The following EIF2AK4 variants were observed in gnomAD, a reference collection of about 807,000 sequenced individuals.
EIF2AK4 encodes the protein eukaryotic translation initiation factor 2 alpha kinase 4.
In EIF2AK4, 139 loss-of-function variants were observed where a neutral mutation model predicts 211.1. The observed-to-expected ratio is 0.66, with a 90% CI of 0.57 to 0.76. The LOEUF (loss-of-function observed/expected upper bound fraction) is 0.76. EIF2AK4 is among the 30% of genes least tolerant of loss of function. EIF2AK4 has a pLI of 0.00. For missense variants in EIF2AK4, 1,664 were observed against 2,043.8 expected (o/e 0.81, Z 3.58); for synonymous variants, 710 against 751.3 (o/e 0.94, Z 0.90).
chr15:39,956,474 G>T (rs1289827219), intron 6 of EIF2AK4, among the ~76,000 whole-genome samples: 1 of 152,174 alleles, frequency 6.6e-6, no homozygotes, highest in African/African-American at 2.4e-5. Flanking sequence ...TGTAAGGAGT[G>T]CCTGAAAATG....
Position 39,976,748 on chromosome 15 carries a change from C to G in EIF2AK4, c.2153C>G (p.Ser718Trp). 1 of 1,598,926 alleles carries G rather than the reference C, an allele frequency of 6.3e-7. No homozygotes were observed. Among genetic ancestry groups the G allele is most frequent in the East Asian group, 2.3e-5 (1 of 43,992 alleles). ...GAGTGGAGCACTTCGGGCGAGCGCTCGGCCAGTGCCCGTTTCCCCGCCACC... is the reference window on the plus strand; with the variant it reads ...GAGTGGAGCACTTCGGGCGAGCGCTGGGCCAGTGCCCGTTTCCCCGCCACC... Reference protein sequence around the residue: ...SVEWSTSGERSASARFPATGP... With the variant: ...SVEWSTSGERWASARFPATGP... Residue 718 changes from serine (S) to tryptophan (W), a missense_variant, in exon 12 of 39, where the codon TCG becomes TGG. Around this residue, in one of 7 missense-constraint regions of EIF2AK4, gnomAD observed 206 missense variants for 201.9 expected, o/e 1.02. Coordinates refer to ENST00000263791, the MANE Select transcript of EIF2AK4 (RefSeq NM_001013703.4).
intron 13 of EIF2AK4, among the ~76,000 whole-genome samples, chr15:39,982,117 G>T (rs932053736): frequency 6.6e-6 from 1 of 152,068 alleles, no homozygotes; most frequent in African/African-American, 2.4e-5. Context: ...GTAGAGACAG[G>T]GTTTCACCGT....
intron 8 of EIF2AK4, among the ~76,000 whole-genome samples, chr15:39,966,971 A>G (rs2034552540): frequency 6.6e-6 from 1 of 152,248 alleles, no homozygotes; most frequent in African/African-American, 2.4e-5. Flanking sequence ...GCTAATCAGA[A>G]AAGGTTATTT....
chr15:39,951,142 C>T (rs138662379), intron 4 of EIF2AK4, among the ~76,000 whole-genome samples: 52 of 152,112 alleles, frequency 3.4e-4, no homozygotes, highest in African/African-American at 1.2e-3. Flanking sequence ...GAATTTTTTG[C>T]GGGGGGAGTG....
intron 3 of EIF2AK4, among the ~76,000 whole-genome samples, chr15:39,944,810 C>T (rs191796362): frequency 1.1e-3 from 167 of 152,274 alleles, no homozygotes; most frequent in African/African-American, 4.0e-3. Context: ...TAGACATAAC[C>T]AAAGATAACC....
intron 30 of EIF2AK4, among the ~76,000 whole-genome samples, chr15:40,019,529 T>C (rs1207186955): frequency 2.6e-5 from 4 of 152,084 alleles, no homozygotes; most frequent in African/African-American, 9.7e-5. Context: ...CCACCTGAGC[T>C]CCACCTCCTG....
In EIF2AK4 at chr15:39,998,274, TG is replaced by T. The variant is rs199884855; in HGVS notation, c.2869-456del. On this transcript the variant is annotated intron_variant, in intron 19 of 38. Coordinates refer to ENST00000263791, the MANE Select transcript of EIF2AK4 (RefSeq NM_001013703.4). ...TGGGTGTGGTTTTTTTTTTTTGTTT[TG>T]TTTTTTTTTGCCTTTTTTCATCTGC... Among the ~76,000 whole-genome samples the T allele has an allele frequency of 5.3e-4, 79 of 149,548 alleles. 1 individual carries two copies. Among genetic ancestry groups the T allele is most frequent in the African/African-American group, 1.2e-3 (48 of 40,892 alleles).
At chr15:39,960,924 CA>C (rs1329476673) in intron 6 of EIF2AK4, among the ~76,000 whole-genome samples, 2 of 152,192 alleles carry the variant, frequency 1.3e-5, no homozygotes, top group African/African-American at 2.4e-5. Context: ...AAGTCAAAAT[CA>C]TGCTGAGAAT....
chr15:39,992,547 CCCT>C, intron 17 of EIF2AK4: 1 of 586,678 alleles, frequency 1.7e-6, no homozygotes, highest in East Asian at 2.9e-5. Flanking sequence ...CTGGCACTGT[CCCT>C]CCTCTTCAAT....
intron 22 of EIF2AK4, 97 bp from the exon 23 acceptor site, chr15:40,003,096 T>G: frequency 1.3e-6 from 2 of 1,520,942 alleles, no homozygotes; most frequent in Non-Finnish European, 1.8e-6. Context: ...ATGGTCCCAG[T>G]AGCAATTACT....
chr15:39,993,986 G>C (rs1178624886), intron 18 of EIF2AK4, among the ~76,000 whole-genome samples: 1 of 152,234 alleles, frequency 6.6e-6, no homozygotes, highest in Non-Finnish European at 1.5e-5. Flanking sequence ...TGTTGGATGA[G>C]AATGAGGAAG....
At chr15:39,999,629 A>C (rs1156852705) in intron 20 of EIF2AK4, among the ~76,000 whole-genome samples, 1 of 152,172 alleles carries the variant, frequency 6.6e-6, no homozygotes, top group African/African-American at 2.4e-5. Context: ...AGTACTCTTT[A>C]TTTATATTAG....
chr15:39,978,139 C>A lies in EIF2AK4; in HGVS notation c.2311C>A (p.Gln771Lys). ...FDNEDENSKS[Q>K]NQDEDCNEKN... ...CAATGAAGATGAGAACAGTAAAAGT[C>A]AGAATCAGGTATATATATGAATAGA... Residue 771 changes from glutamine to lysine, a missense_variant, in exon 13 of 39, where the codon CAG (glutamine) becomes AAG (lysine). By Grantham distance (53) the Gln-to-Lys change is moderately conservative (BLOSUM62 1). Around this residue, in one of 7 missense-constraint regions of EIF2AK4, gnomAD observed 206 missense variants for 201.9 expected, o/e 1.02. Transcript: ENST00000263791. 1.3e-6 allele frequency: 2 copies of A among 1,559,610 alleles called. No homozygotes were observed. Among genetic ancestry groups the A allele is most frequent in the South Asian group, 1.2e-5 (1 of 85,808 alleles).
intron 31 of EIF2AK4, 46 bp from the exon 32 acceptor site, chr15:40,022,473 C>G: frequency 6.7e-7 from 1 of 1,500,612 alleles, no homozygotes; most frequent in Non-Finnish European, 9.2e-7. Context: ...TGAAGCTGTT[C>G]CAGGTGCTCT....
chr15:40,007,311 C>G (rs999771055), intron 24 of EIF2AK4, among the ~76,000 whole-genome samples: 2 of 152,184 alleles, frequency 1.3e-5, no homozygotes, highest in African/African-American at 4.8e-5. Context: ...TCTGTACCTT[C>G]TAAATGTCCC....
chr15:40,034,083 C>T (rs2140953565), intron 37 of EIF2AK4, among the ~76,000 whole-genome samples: 1 of 151,198 alleles, frequency 6.6e-6, no homozygotes, highest in South Asian at 2.1e-4. Flanking sequence ...TCTAAAGTCA[C>T]ATCAGCACAC....
chr15:39,943,378 TCCA>T lies in EIF2AK4; in HGVS notation c.258-4_258-2del. 3 of 1,486,034 alleles carry T rather than the reference TCCA, an allele frequency of 2.0e-6. No individual in the cohort carries two copies. Among genetic ancestry groups the T allele is most frequent in the South Asian group, 1.3e-5 (1 of 75,658 alleles). The allele number at this position is 1,486,034 out of a possible 1,614,324, so 92.1% of individuals were successfully genotyped here. A position where few individuals can be genotyped will look rare whatever the true frequency, so the allele number is the denominator to read the frequency against. ...TTTTTTTTTTTTTTTTTTTGCCTTT[TCCA>T]GAGTTCCTGAAATAGAGTTAAAAAA... On this transcript the variant is annotated splice_acceptor_variant and splice_polypyrimidine_tract_variant and intron_variant, in intron 2 of 38. Coordinates refer to ENST00000263791, the MANE Select transcript of EIF2AK4 (RefSeq NM_001013703.4). LOFTEE classifies it high-confidence loss of function.
intron 35 of EIF2AK4, among the ~76,000 whole-genome samples, chr15:40,031,731 C>CTT (rs201986933): frequency 3.1e-4 from 46 of 148,938 alleles, no homozygotes; most frequent in Non-Finnish European, 4.0e-4. Context: ...AGCAAATCTT[C>CTT]TTTTTTTTTT....
intron 5 of EIF2AK4, 144 bp downstream of exon 5, chr15:39,954,128 C>T (rs1413281038): frequency 1.4e-6 from 1 of 738,902 alleles, no homozygotes; most frequent in East Asian, 3.0e-5. Context: ...GTATTTCAGA[C>T]TCCCTAAATA....
Sources: allele counts gnomAD v4.1 joint callset (sites outside exome capture counted in the v4.1 genomes callset), GRCh38; gene constraint gnomAD v4.1.1; regional missense constraint gnomAD v4.1.1; transcripts MANE v1.5; gene names NCBI Gene and HGNC (gene_info 2026-07-23, HGNC 2026-07-21).